The following TRIM46 variants were observed in gnomAD, a reference collection of about 807,000 sequenced individuals.
The protein encoded by TRIM46 is tripartite motif containing 46, also known as tripartite motif-containing protein 46.
Under a neutral mutation model 69.7 loss-of-function variants are expected in TRIM46, and 17 were observed. The observed-to-expected ratio is 0.24, with a 90% confidence interval of 0.17 to 0.37. The LOEUF is 0.37. Ranked by LOEUF, TRIM46 falls within the 10% of genes least tolerant of loss-of-function variation. The pLI is 1.00. For missense variants in TRIM46, 675 were observed against 1,025.1 expected (o/e 0.66, Z 4.66); for synonymous variants, 391 against 429.0 (o/e 0.91, Z 1.09).
At chr1:155,177,525 A>G (rs1004390363) in intron 5 of TRIM46, among the ~76,000 whole-genome samples, 5 of 151,444 alleles carry the variant, frequency 3.3e-5, no homozygotes, top group African/African-American at 1.2e-4. Flanking sequence ...AACCCCATGC[A>G]TAGCTCAAAA....
intron 5 of TRIM46, among the ~76,000 whole-genome samples, chr1:155,177,627 C>G (rs1416459479): frequency 6.6e-6 from 1 of 152,220 alleles, no homozygotes; most frequent in African/African-American, 2.4e-5. Flanking sequence ...TGACTGATAC[C>G]TTCTGCCAGG....
chr1:155,178,127 T>G lies in TRIM46; in HGVS notation c.1035T>G (p.Arg345=), dbSNP rs1217612602. Residue 345 remains arginine, a synonymous_variant, in exon 6 of 10, where the codon CGT becomes CGG. Coordinates refer to ENST00000334634, the MANE Select transcript of TRIM46 (RefSeq NM_025058.5). ...AATGCCAGCAGGAGCGGCTGGCCCG[T>G]CTCAGCGCCCAGATCCAGGAGCACC... ...IEECQQERLA[R]LSAQIQEHRS... 2 of 1,613,934 alleles carry G rather than the reference T, an allele frequency of 1.2e-6. No homozygotes were observed. The highest frequency in any genetic ancestry group is 1.7e-6 in the Non-Finnish European group (2 of 1,179,978).
chr1:155,177,348 G>A, intron 5 of TRIM46, 58 bp downstream of exon 5: 1 of 1,432,978 alleles, frequency 7.0e-7, no homozygotes, highest in Non-Finnish European at 9.8e-7. Context: ...GGCAGGAAGG[G>A]GGTGTGGGTG....
chr1:155,179,570 C>T (rs1163953097), intron 7 of TRIM46, 62 bp from the exon 8 acceptor site: 50 of 1,491,888 alleles, frequency 3.4e-5, no homozygotes, highest in Non-Finnish European at 2.5e-5. Flanking sequence ...CCTGCCTGCC[C>T]CTGCCCTCCA....
chr1:155,181,715 T>G lies in TRIM46; in HGVS notation c.1589-137T>G. 2.5e-6 allele frequency: 2 copies of G among 785,262 alleles called. No individual in the cohort carries two copies. The highest frequency in any genetic ancestry group is 3.8e-6 in the Non-Finnish European group (2 of 519,672). The allele number at this position is 785,262 out of a possible 1,614,324, so 48.6% of individuals were successfully genotyped here. On this transcript the variant is annotated intron_variant, in intron 8 of 9. Transcript: ENST00000334634. This position sits in a 1 kb window ranked among gnomAD's most constrained non-coding sequence, Gnocchi z 4.3. The stretch of plus-strand genomic sequence containing the variant: ...CCCCATTCCAGTTTCCCATGTCCTG[T>G]TCTCCTGAACCCCCTGCCTGTTCCT...
chr1:155,184,269 C>A lies in TRIM46; in HGVS notation c.*79C>A. On this transcript the variant is annotated 3_prime_UTR_variant, in exon 10 of 10. Transcript: ENST00000334634. This position sits in a 1 kb window ranked among gnomAD's most constrained non-coding sequence, Gnocchi z 5.6. ...ACCTCTTGGCACCCGGTTGTTACCCCCTGGCAGCTTCTCCCCCAAACTCTC... is the reference window on the plus strand; with the variant it reads ...ACCTCTTGGCACCCGGTTGTTACCCACTGGCAGCTTCTCCCCCAAACTCTC... 1 of 1,417,890 alleles carries A rather than the reference C, an allele frequency of 7.1e-7. No individual in the cohort carries two copies. The highest frequency in any genetic ancestry group is 9.3e-7 in the Non-Finnish European group (1 of 1,073,438). 87.8% of individuals were successfully genotyped at this position (1,417,890 alleles called of 1,614,324 possible).
intron 9 of TRIM46, among the ~76,000 whole-genome samples, chr1:155,183,283 C>A (rs1041328772): frequency 6.6e-6 from 1 of 151,984 alleles, no homozygotes; most frequent in African/African-American, 2.4e-5. Flanking sequence ...TATCCCCCAA[C>A]ACCTTATTTC....
In TRIM46 at chr1:155,175,367, C is replaced by T; in HGVS notation, c.64-19C>T. The T allele has an allele frequency of 1.2e-6, 2 of 1,612,582 alleles. No homozygotes were observed. The highest frequency in any genetic ancestry group is 1.7e-6 in the Non-Finnish European group (2 of 1,179,416). On this transcript the variant is annotated intron_variant, in intron 1 of 9. Coordinates refer to ENST00000334634, the MANE Select transcript of TRIM46 (RefSeq NM_025058.5). This position sits in a 1 kb window ranked among gnomAD's most constrained non-coding sequence, Gnocchi z 4.2. ...CCTAAGTGTCCAAGCGCTGACCTAG[C>T]CTCCTGGTCCCTCCACAGACCAGCA...
rs771122938 is a variant in TRIM46, at chr1:155,178,133, C to T, written c.1041C>T (p.Ser347=). 8.1e-6 allele frequency: 13 copies of T among 1,614,108 alleles called. 1 individual carries two copies. The highest frequency in any genetic ancestry group is 4.0e-5 in the African/African-American group (3 of 75,036). ...AGCAGGAGCGGCTGGCCCGTCTCAG[C>T]GCCCAGATCCAGGAGCACCGGAGCC... ...ECQQERLARL[S]AQIQEHRSLL... Residue 347 remains serine (S), a synonymous_variant, in exon 6 of 10, where the codon AGC becomes AGT. Coordinates refer to ENST00000334634, the MANE Select transcript of TRIM46 (RefSeq NM_025058.5).
Position 155,176,799 on chromosome 1 carries a change from C to T in TRIM46, c.670-133C>T, listed in dbSNP as rs1665690290. ...TGCCAGTATGTACCACCAGGTGGCA[C>T]TGTGGAGCACCACCAGCGGATGTCT... On this transcript the variant is annotated intron_variant, in intron 3 of 9. Coordinates refer to ENST00000334634, the MANE Select transcript of TRIM46 (RefSeq NM_025058.5). The T allele has an allele frequency of 2.6e-6, 3 of 1,164,396 alleles. No homozygotes were observed. The East Asian group carries it at 7.1e-5, about 28-fold the overall frequency. 72.1% of individuals were successfully genotyped at this position (1,164,396 alleles called of 1,614,324 possible). A position where few individuals can be genotyped will look rare whatever the true frequency, so the allele number is the denominator to read the frequency against.
chr1:155,177,177 C>T lies in TRIM46; in HGVS notation c.814-18C>T. ...CTGCAGAGCTGGGCTTGATGCCCAC[C>T]TCTTTCTTCCCCCTCAGGACAAGCT... On this transcript the variant is annotated intron_variant, in intron 4 of 9. Coordinates refer to ENST00000334634, the MANE Select transcript of TRIM46 (RefSeq NM_025058.5). The T allele has an allele frequency of 6.2e-7, 1 of 1,614,146 alleles. No individual in the cohort carries two copies.
chr1:155,179,413 G>T (rs570765420), intron 7 of TRIM46, among the ~76,000 whole-genome samples: 94 of 152,160 alleles, frequency 6.2e-4, no homozygotes, highest in Non-Finnish European at 1.8e-4. Flanking sequence ...CTAGCACACA[G>T]GTGTCCTGAC....
In TRIM46 at chr1:155,184,286, CA is replaced by C; in HGVS notation, c.*99del. 1 of 1,317,508 alleles carries C rather than the reference CA, an allele frequency of 7.6e-7. No individual in the cohort carries two copies. The highest frequency in any genetic ancestry group is 1.5e-5 in the South Asian group (1 of 65,248). The allele number at this position is 1,317,508 out of a possible 1,614,324, so 81.6% of individuals were successfully genotyped here. On this transcript the variant is annotated 3_prime_UTR_variant, in exon 10 of 10. Transcript: ENST00000334634. The surrounding 1 kb of genome is among the most constrained non-coding windows in gnomAD (Gnocchi z 5.6). ...TGTTACCCCCTGGCAGCTTCTCCCC[CA>C]AACTCTCCTACCATGTGGCCCTGCT... is the stretch of plus-strand genomic sequence containing the variant.
Position 155,176,056 on chromosome 1 carries a change from G to A in TRIM46, c.494G>A (p.Ser165Asn), listed in dbSNP as rs781393534. The A allele has an allele frequency of 1.2e-6, 2 of 1,614,038 alleles. No homozygotes were observed. Among genetic ancestry groups the A allele is most frequent in the African/African-American group, 2.7e-5 (2 of 74,912 alleles). The stretch of plus-strand genomic sequence containing the variant: ...GTGGAGCGGTACCGCCAGAGTGTGA[G>A]TGTGGGAGGTGCCATCCTGTGCCAG... The part of the protein sequence containing the change: ...RVVERYRQSV[S>N]VGGAILCQLC... The change falls in exon 3 of 10, where the codon AGT becomes AAT. Residue 165 changes from serine to asparagine, a missense_variant. Physicochemically the swap from Ser to Asn is conservative, Grantham distance 46. This residue lies in a region of TRIM46 where 170 missense variants were observed against 255.6 expected (regional missense o/e 0.67). Coordinates refer to ENST00000334634, the MANE Select transcript of TRIM46 (RefSeq NM_025058.5).
chr1:155,182,199 G>A (rs750066345), intron 9 of TRIM46, 50 bp downstream of exon 9: 4 of 1,581,170 alleles, frequency 2.5e-6, no homozygotes, highest in Non-Finnish European at 3.5e-6. Flanking sequence ...GTGGGAGTGA[G>A]GGGCACAGAA....
intron 9 of TRIM46, 57 bp downstream of exon 9, chr1:155,182,206 A>C (rs1197600082): frequency 7.0e-7 from 1 of 1,432,796 alleles, no homozygotes; most frequent in Non-Finnish European, 9.6e-7. Flanking sequence ...TGAGGGGCAC[A>C]GAAGGGGTGG....
rs199784137 is a variant in TRIM46 at position 155,173,998 on chromosome 1, C to A, written c.32C>A (p.Thr11Asn). ...GAGGGTGAGGATATGCAGACCTTCA[C>A]TTCCATCATGGACGCACTGGTCCGC... Reference protein sequence around the residue: MAEGEDMQTFTSIMDALVRIS... With the variant: MAEGEDMQTFNSIMDALVRIS... The change falls in exon 1 of 10, where the codon ACT becomes AAT. Residue 11 changes from threonine (T) to asparagine (N), a missense_variant. Thr to Asn is a moderately conservative substitution (Grantham distance 65). Transcript: ENST00000334634. 10 of 1,573,528 alleles carry A rather than the reference C, an allele frequency of 6.4e-6. No individual in the cohort carries two copies. The East Asian group carries it at 1.2e-4, about 19-fold the overall frequency.
Position 155,175,721 on chromosome 1 carries a change from T to C in TRIM46, c.325+74T>C. 6.2e-7 allele frequency: 1 copy of C among 1,604,408 alleles called. No individual in the cohort carries two copies. The highest frequency in any genetic ancestry group is 8.5e-7 in the Non-Finnish European group (1 of 1,174,660). ...CAGGAAGATGGAAGAAGTCCATCAC[T>C]GGTCAGAGGCATCTGTCTGTCTTTC... On this transcript the variant is annotated intron_variant, in intron 2 of 9. Transcript: ENST00000334634. The surrounding 1 kb of genome is among the most constrained non-coding windows in gnomAD (Gnocchi z 4.2).
intron 8 of TRIM46, chr1:155,180,450 C>T (rs1666072961): frequency 2.4e-6 from 1 of 424,572 alleles, no homozygotes. Context: ...CAAAACTTAG[C>T]CAGGCGTGGT....
Sources: allele counts gnomAD v4.1 joint callset (sites outside exome capture counted in the v4.1 genomes callset), GRCh38; gene constraint gnomAD v4.1.1; regional missense constraint gnomAD v4.1.1; non-coding constraint Gnocchi (gnomAD v3.1); transcripts MANE v1.5; gene names NCBI Gene and HGNC (gene_info 2026-07-23, HGNC 2026-07-21).